The following SLC25A48 variants were observed in gnomAD, a reference collection of about 807,000 sequenced individuals.
SLC25A48 encodes solute carrier family 25 member 48.
SLC25A48 carries 29 observed loss-of-function variants against 32.2 expected under a neutral mutation model. That is an observed-to-expected ratio of 0.90 (90% CI 0.67 to 1.23). The LOEUF (loss-of-function observed/expected upper bound fraction) is 1.23, where lower values mean the gene tolerates loss of function less well. Ranked by LOEUF, SLC25A48 falls within the 50% of genes most tolerant of loss-of-function variation. The probability of loss-of-function intolerance (pLI) is 0.00; values close to 1 mark genes in which losing one functional copy is unlikely to be tolerated. For synonymous variants in SLC25A48, 164 were observed against 172.3 expected (o/e 0.95, Z 0.38); for missense variants, 399 against 422.7 (o/e 0.94, Z 0.49).
chr5:135,732,890 T>C (rs1422985288), intron 3 of SLC25A48, among the ~76,000 whole-genome samples: 2 of 152,092 alleles, frequency 1.3e-5, no homozygotes, highest in Non-Finnish European at 2.9e-5. Flanking sequence ...AGCATAAGCA[T>C]TGTCTTGAGC....
At chr5:135,720,101 A>T (rs2126981820) in intron 3 of SLC25A48, among the ~76,000 whole-genome samples, 2 of 152,354 alleles carry the variant, frequency 1.3e-5, no homozygotes, top group South Asian at 4.1e-4. Flanking sequence ...TGAAAAACGC[A>T]GTAGCTCAAA....
chr5:135,647,458 A>T (rs1326628225), intron 3 of SLC25A48, among the ~76,000 whole-genome samples: 1 of 152,136 alleles, frequency 6.6e-6, no homozygotes, highest in Non-Finnish European at 1.5e-5. Flanking sequence ...TGGGGATGTT[A>T]TCAGTGACTT....
intron 3 of SLC25A48, among the ~76,000 whole-genome samples, chr5:135,663,351 C>T (rs1369055611): frequency 1.3e-5 from 2 of 152,128 alleles, no homozygotes; most frequent in Non-Finnish European, 2.9e-5. Context: ...TTGAGGGAGC[C>T]GTTTTGTGTA....
chr5:135,654,766 G>A (rs558693322), intron 3 of SLC25A48, among the ~76,000 whole-genome samples: 3 of 152,214 alleles, frequency 2.0e-5, no homozygotes, highest in African/African-American at 7.2e-5. Context: ...GTCAGAGGCC[G>A]TAAGAGCAGA....
At chr5:135,799,866 T>C (rs1757278285) in intron 3 of SLC25A48, among the ~76,000 whole-genome samples, 1 of 151,686 alleles carries the variant, frequency 6.6e-6, no homozygotes, top group Admixed American at 6.6e-5. Flanking sequence ...ACATTGTTCC[T>C]AATATCCAGG....
intron 1 of SLC25A48, among the ~76,000 whole-genome samples, chr5:135,586,183 C>T (rs764909506): frequency 9.9e-5 from 15 of 152,116 alleles, no homozygotes; most frequent in Admixed American, 6.5e-4. Context: ...CTGCTCTGCA[C>T]GGCCATACGC....
At chr5:135,833,362 C>T (rs1362507143), upstream of SLC25A48, among the ~76,000 whole-genome samples, 4 of 152,236 alleles carry the variant, frequency 2.6e-5, no homozygotes, top group Non-Finnish European at 4.4e-5. Context: ...GCCTGGCACC[C>T]CTTAGGTGGT....
chr5:135,585,035 G>T (rs534164765), intron 1 of SLC25A48, among the ~76,000 whole-genome samples: 1 of 152,234 alleles, frequency 6.6e-6, no homozygotes, highest in African/African-American at 2.4e-5. Context: ...CTGAGCAGAC[G>T]CTGGCGATGG....
At position 135,798,838 on chromosome 5, in the gene SLC25A48, A is replaced by G. The variant is rs192524542; in HGVS notation, c.-520-13685A>G. 1.9e-4 allele frequency among the ~76,000 whole-genome samples: 29 copies of G among 151,700 alleles called. No individual in the cohort carries two copies. In the East Asian group the frequency reaches 3.9e-3, roughly 20 times the overall value. On this transcript the variant is annotated intron_variant, in intron 3 of 10. Transcript: ENST00000646290. Reference sequence around the variant, plus strand: ...GAGAGAGGATGATACTACTCCCGATATTGTAGAAGTTGTACACTTTGCTTG... The same window carrying G: ...GAGAGAGGATGATACTACTCCCGATGTTGTAGAAGTTGTACACTTTGCTTG...
At chr5:135,843,730 G>C (rs1376316195) in intron 2 of SLC25A48, among the ~76,000 whole-genome samples, 1 of 152,248 alleles carries the variant, frequency 6.6e-6, no homozygotes, top group Admixed American at 6.5e-5. Flanking sequence ...AAAGCCCCAA[G>C]GGTGGGAACA....
At chr5:135,748,768 G>C (rs1395286073) in intron 3 of SLC25A48, among the ~76,000 whole-genome samples, 2 of 146,904 alleles carry the variant, frequency 1.4e-5, no homozygotes, top group Admixed American at 7.0e-5. Context: ...GCCCAGGCTG[G>C]AGTGCAATGG....
rs143130140 is a variant in SLC25A48 at position 135,878,127 on chromosome 5, C to T, written c.814-1841C>T. Reference sequence around the variant, plus strand: ...TCTGAAAGCTCTGGGTAAAAGCTGGCAGGTCTGCATTTTGTTTGCCTTCTG... The same window carrying T: ...TCTGAAAGCTCTGGGTAAAAGCTGGTAGGTCTGCATTTTGTTTGCCTTCTG... On this transcript the variant is annotated intron_variant, in intron 6 of 7. Transcript: ENST00000681962. Among the ~76,000 whole-genome samples the T allele has an allele frequency of 4.9e-4, 74 of 152,304 alleles. 1 individual carries two copies. In the East Asian group the frequency reaches 0.011, roughly 22 times the overall value.
chr5:135,730,411 C>T (rs1329946876), intron 3 of SLC25A48, among the ~76,000 whole-genome samples: 3 of 152,074 alleles, frequency 2.0e-5, no homozygotes, highest in Admixed American at 1.3e-4. Context: ...TTTTGCCTGC[C>T]GCCACCCACT....
intron 3 of SLC25A48, among the ~76,000 whole-genome samples, chr5:135,722,047 T>C (rs1344834490): frequency 3.3e-5 from 5 of 152,394 alleles, no homozygotes; most frequent in South Asian, 2.1e-4. Flanking sequence ...TAAAGGGCTC[T>C]CTGGACTCCA....
intron 1 of SLC25A48, among the ~76,000 whole-genome samples, chr5:135,628,417 C>G (rs766430645): frequency 3.4e-4 from 52 of 152,220 alleles, no homozygotes; most frequent in Non-Finnish European, 6.3e-4. Context: ...CTGATGGACT[C>G]TACTTGGGAT....
intron 3 of SLC25A48, among the ~76,000 whole-genome samples, chr5:135,786,236 A>C (rs574128524): frequency 5.3e-5 from 8 of 152,102 alleles, no homozygotes; most frequent in Non-Finnish European, 8.8e-5. Flanking sequence ...TCGTATATTC[A>C]GAGGGGAGAG....
chr5:135,887,325 A>T (rs147159395), intron 7 of SLC25A48, among the ~76,000 whole-genome samples: 1 of 151,898 alleles, frequency 6.6e-6, no homozygotes, highest in African/African-American at 2.4e-5. Context: ...CCTTTGGGAA[A>T]CTCCACCGTA....
rs117050634 is a variant in SLC25A48, at chr5:135,874,678, C to T, written c.813+524C>T. The stretch of plus-strand genomic sequence containing the variant: ...GTGGCTGAGGAGGCAGCCTCCAACA[C>T]GTTTCCCTGGGCTGTGTCTCCTCTG... On this transcript the variant is annotated intron_variant, in intron 6 of 7. Transcript: ENST00000681962. 8.0e-4 allele frequency: 560 copies of T among 702,202 alleles called. 6 individuals carry two copies. In the East Asian group the frequency reaches 0.012, roughly 15 times the overall value. The allele number at this position is 702,202 out of a possible 1,614,324, so 43.5% of individuals were successfully genotyped here.
chr5:135,796,916 C>T (rs922763171), intron 3 of SLC25A48, among the ~76,000 whole-genome samples: 2 of 151,510 alleles, frequency 1.3e-5, no homozygotes, highest in Non-Finnish European at 2.9e-5. Flanking sequence ...ACCCCTCCTG[C>T]GATATTGCTT....
Sources: allele counts gnomAD v4.1 joint callset (sites outside exome capture counted in the v4.1 genomes callset), GRCh38; gene constraint gnomAD v4.1.1; transcripts MANE v1.5; gene names NCBI Gene and HGNC (gene_info 2026-07-23, HGNC 2026-07-21).